Variants in SNTG1 observed in about 807,000 individuals in gnomAD.
The protein encoded by SNTG1 is gamma-1-syntrophin.
A neutral mutation model predicts 74.7 loss-of-function variants in SNTG1; 39 were observed. The ratio of observed to expected loss-of-function variants is 0.52; its 90% confidence interval spans 0.40 to 0.68. The LOEUF is 0.68. Among genes scored for constraint, SNTG1 ranks in the 30% least tolerant of loss-of-function variants. SNTG1 has a pLI of 0.00. For synonymous variants in SNTG1, 254 were observed against 217.1 expected (o/e 1.17, Z -1.49); for missense variants, 685 against 609.5 (o/e 1.12, Z -1.30).
chr8:50,728,535 A>G (rs1020736529), intron 17 of SNTG1, among the ~76,000 whole-genome samples: 2 of 152,132 alleles, frequency 1.3e-5, no homozygotes, highest in Non-Finnish European at 2.9e-5. Context: ...TCAATCTGCC[A>G]CCAAATAGTT....
intron 13 of SNTG1, among the ~76,000 whole-genome samples, chr8:50,618,911 A>G (rs3036720): frequency 0.78 from 115,930 of 148,224 alleles, 45,258 homozygotes; most frequent in East Asian, 0.9. Context: ...GTGTGTGTGT[A>G]TATATATATA....
At chr8:50,040,126 A>G (rs1818511731) in intron 1 of SNTG1, among the ~76,000 whole-genome samples, 1 of 152,096 alleles carries the variant, frequency 6.6e-6, no homozygotes, top group Non-Finnish European at 1.5e-5. Flanking sequence ...AGTTTAGAAC[A>G]CCACTGACTA....
chr8:50,564,106 A>G (rs1355656037), intron 12 of SNTG1, among the ~76,000 whole-genome samples: 1 of 145,710 alleles, frequency 6.9e-6, no homozygotes, highest in Non-Finnish European at 1.5e-5. Flanking sequence ...CAAGTGTCAC[A>G]TGTTGCAGTC....
intron 1 of SNTG1, among the ~76,000 whole-genome samples, chr8:49,986,199 C>T (rs1813138506): frequency 6.6e-6 from 1 of 152,108 alleles, no homozygotes; most frequent in Admixed American, 6.5e-5. Context: ...ATGCCCAGAT[C>T]AACAGAAAAA....
In SNTG1 at chr8:50,206,203, T is replaced by C. The variant is rs371049509; in HGVS notation, c.-28+33568T>C. ...TATTGATTCTTCCTATCCATGACCA[T>C]GGAATGTTCTTCCGTTTGTTTGTGT... On this transcript the variant is annotated intron_variant, in intron 2 of 18. Coordinates refer to ENST00000642720, the MANE Select transcript of SNTG1 (RefSeq NM_018967.5). Among the ~76,000 whole-genome samples, 36 of 152,338 alleles carry C rather than the reference T, an allele frequency of 2.4e-4. No individual in the cohort carries two copies. The South Asian group carries it at 5.4e-3, about 23-fold the overall frequency.
intron 1 of SNTG1, among the ~76,000 whole-genome samples, chr8:49,967,984 C>T (rs985622916): frequency 6.6e-6 from 1 of 152,266 alleles, no homozygotes. Context: ...AGTCTTGGTC[C>T]TATCCTTCAG....
chr8:50,747,393 A>G (rs1291463519), intron 17 of SNTG1, among the ~76,000 whole-genome samples: 1 of 151,524 alleles, frequency 6.6e-6, no homozygotes, highest in African/African-American at 2.4e-5. Flanking sequence ...CATTTGTCAA[A>G]CTAAGGGTGC....
intron 1 of SNTG1, among the ~76,000 whole-genome samples, chr8:50,131,662 C>A (rs2081322672): frequency 6.6e-6 from 1 of 152,042 alleles, no homozygotes; most frequent in Non-Finnish European, 1.5e-5. Flanking sequence ...TGATTATCTC[C>A]TCAAAATAGT....
chr8:50,702,679 T>C (rs1055131313), intron 15 of SNTG1, among the ~76,000 whole-genome samples: 1 of 152,166 alleles, frequency 6.6e-6, no homozygotes, highest in Non-Finnish European at 1.5e-5. Flanking sequence ...ATAACTGAGA[T>C]ATATTTCAGG....
intron 8 of SNTG1, among the ~76,000 whole-genome samples, chr8:50,461,167 G>A (rs943262816): frequency 2.9e-5 from 4 of 136,048 alleles, no homozygotes; most frequent in African/African-American, 6.8e-5. Flanking sequence ...GTGTGTGTGT[G>A]TGTGTGTGTG....
intron 1 of SNTG1, among the ~76,000 whole-genome samples, chr8:49,995,634 A>G (rs1464838906): frequency 6.6e-6 from 1 of 152,218 alleles, no homozygotes; most frequent in Admixed American, 6.5e-5. Flanking sequence ...AGGTCAGTGT[A>G]AAAGAATACT....
intron 1 of SNTG1, among the ~76,000 whole-genome samples, chr8:50,111,266 A>G (rs1586320945): frequency 1.3e-5 from 2 of 151,618 alleles, no homozygotes; most frequent in South Asian, 4.2e-4. Context: ...TTGAAGCTCT[A>G]CCCCCCCAAT....
chr8:50,018,318 T>C (rs1430342246), intron 1 of SNTG1, among the ~76,000 whole-genome samples: 1 of 152,048 alleles, frequency 6.6e-6, no homozygotes, highest in Admixed American at 6.6e-5. Flanking sequence ...GATAGAAGTA[T>C]AGATCACTTC....
At chr8:50,366,015 G>T (rs1458098057) in intron 2 of SNTG1, among the ~76,000 whole-genome samples, 1 of 151,988 alleles carries the variant, frequency 6.6e-6, no homozygotes, top group Admixed American at 6.6e-5. Flanking sequence ...AAATTAATTG[G>T]CATGCCTATT....
rs189619762 is a variant in SNTG1 at position 50,527,501 on chromosome 8, G to A, written c.467-2676G>A. Among the ~76,000 whole-genome samples the A allele has an allele frequency of 1.8e-3, 274 of 152,070 alleles. 3 individuals carry two copies. The highest frequency in any genetic ancestry group is 6.2e-3 in the African/African-American group (259 of 41,492). ...TGCATCTTACATAAGAATCAATTAT[G>A]TGTGTGTGTATTTGATATATGTATA... On this transcript the variant is annotated intron_variant, in intron 9 of 18. Coordinates refer to ENST00000642720, the MANE Select transcript of SNTG1 (RefSeq NM_018967.5).
chr8:49,969,044 G>A (rs1395394128), intron 1 of SNTG1, among the ~76,000 whole-genome samples: 1 of 152,170 alleles, frequency 6.6e-6, no homozygotes, highest in East Asian at 1.9e-4. Context: ...TATTAACTGG[G>A]AATTAGTGTG....
At chr8:50,743,160 A>G (rs538482478) in intron 17 of SNTG1, among the ~76,000 whole-genome samples, 43 of 152,014 alleles carry the variant, frequency 2.8e-4, no homozygotes, top group African/African-American at 9.9e-4. Context: ...TGTGAGGCCA[A>G]CATTACCTTG....
At chr8:50,792,644 T>G (rs372410950) in intron 18 of SNTG1, 27 bp from the exon 19 acceptor site, 1 of 1,591,180 alleles carries the variant, frequency 6.3e-7, no homozygotes, top group Non-Finnish European at 8.6e-7. Context: ...TTTTATGTTA[T>G]CTGACCTGTT....
At chr8:49,963,547 T>C (rs2129774704) in intron 1 of SNTG1, among the ~76,000 whole-genome samples, 1 of 152,332 alleles carries the variant, frequency 6.6e-6, no homozygotes, top group South Asian at 2.1e-4. Flanking sequence ...TAGAAGTCAC[T>C]AGTCTTGCCT....
Sources: gnomAD v4.1 joint callset for allele counts (sites outside exome capture counted in the v4.1 genomes callset) on GRCh38, gnomAD v4.1.1 for gene constraint, MANE v1.5 for transcripts, NCBI Gene and HGNC (gene_info 2026-07-23, HGNC 2026-07-21) for gene names.